F8: variants seen among roughly 807,000 people sequenced by gnomAD.
F8 encodes antihemophilic factor.
Under a neutral mutation model 140.6 loss-of-function variants are expected in F8, and 12 were observed. That is an observed-to-expected ratio of 0.09 (90% CI 0.05 to 0.14). The LOEUF (loss-of-function observed/expected upper bound fraction) is 0.14. F8 is among the 10% of genes least tolerant of loss of function. The pLI is 1.00. For synonymous variants in F8, 585 were observed against 614.6 expected, an observed-to-expected ratio of 0.95 and a Z score of 0.71; for missense variants, 1,354 against 1,720.7, an observed-to-expected ratio of 0.79 and a Z score of 3.77.
intron 22 of F8, among the ~76,000 whole-genome samples, chrX:154,873,148 T>C (rs2072787009): frequency 9.1e-6 from 1 of 110,415 alleles, no homozygotes; most frequent in Admixed American, 9.6e-5. Context: ...TATCAAAATC[T>C]CAATGGTGTT....
At chrX:154,892,817 C>T (rs1021053740) in intron 22 of F8, among the ~76,000 whole-genome samples, 38 of 111,662 alleles carry the variant, frequency 3.4e-4, no homozygotes, top group African/African-American at 1.1e-3. Context: ...ACCTGAAAAA[C>T]GTTCAGGCCA....
At chrX:154,976,150 C>T (rs1458990424) in intron 6 of F8, among the ~76,000 whole-genome samples, 1 of 112,315 alleles carries the variant, frequency 8.9e-6, no homozygotes, top group East Asian at 2.8e-4. Context: ...CCGCCTCAGC[C>T]TCCCAAAGTG....
At position 154,963,481 on chromosome X, in the gene F8, T is replaced by C. The variant is rs1048972744; in HGVS notation, c.1444-2313A>G. 2.7e-5 allele frequency among the ~76,000 whole-genome samples: 3 copies of C among 111,924 alleles called. No individual in the cohort carries two copies. The East Asian group carries it at 8.4e-4, about 31-fold the overall frequency. ...GGATATTTGGGTTGGTTCCAAGTCT[T>C]TGCTATTGTGAGTAGTGCCGCAATA... On this transcript the variant is annotated intron_variant, in intron 9 of 25. Transcript: ENST00000360256.
Position 154,955,497 on chromosome X carries a change from T to G in F8, c.1753-1455A>C, listed in dbSNP as rs189107222. On this transcript the variant is annotated intron_variant, in intron 11 of 25. Coordinates refer to ENST00000360256, the MANE Select transcript of F8 (RefSeq NM_000132.4). ...CTAAGTGAGATGCACTGTGCTATAT[T>G]GTGGGAACTAGCCCCCAATATTTCA... Among the ~76,000 whole-genome samples the G allele has an allele frequency of 5.5e-5, 6 of 109,270 alleles. No homozygotes were observed. In the East Asian group the frequency reaches 1.7e-3, roughly 31 times the overall value. 94.9% of individuals were successfully genotyped at this position (109,270 alleles called of 115,157 possible). A position where few individuals can be genotyped will look rare whatever the true frequency, so the allele number is the denominator to read the frequency against.
chrX:154,910,310 C>T (rs944222793), intron 14 of F8, among the ~76,000 whole-genome samples: 1 of 109,788 alleles, frequency 9.1e-6, no homozygotes, highest in African/African-American at 3.3e-5. Flanking sequence ...TCTCAGCAAA[C>T]TATCACAAGG....
chrX:154,935,455 G>A (rs1433106256), intron 13 of F8, among the ~76,000 whole-genome samples: 2 of 111,696 alleles, frequency 1.8e-5, no homozygotes, highest in African/African-American at 6.5e-5. Context: ...TCAACAAATG[G>A]TGCCGGGACA....
intron 25 of F8, among the ~76,000 whole-genome samples, chrX:154,859,313 T>G (rs1239981906): frequency 9.3e-6 from 1 of 107,523 alleles, no homozygotes; most frequent in Non-Finnish European, 1.9e-5. Flanking sequence ...TCTTTTTTTT[T>G]TTTTTTTGAG....
intron 7 of F8, among the ~76,000 whole-genome samples, chrX:154,968,022 A>G (rs2073434441): frequency 8.9e-6 from 1 of 112,105 alleles, no homozygotes. Flanking sequence ...AGTAATAGGA[A>G]GAAAGAAATG....
chrX:154,845,709 T>G lies in F8; in HGVS notation c.6901-7957A>C, dbSNP rs2072560337. ...TTCTTCTTTATTAGTCTTGCTAGTG[T>G]TCTATCAATTTTGTTGATCTTTTCA... On this transcript the variant is annotated intron_variant, in intron 25 of 25. Coordinates refer to ENST00000360256, the MANE Select transcript of F8 (RefSeq NM_000132.4). Among the ~76,000 whole-genome samples the G allele has an allele frequency of 3.6e-5, 4 of 111,628 alleles. No homozygotes were observed. The South Asian group carries it at 1.1e-3, about 31-fold the overall frequency.
At chrX:154,978,533 A>G (rs1486176195) in intron 6 of F8, among the ~76,000 whole-genome samples, 1 of 111,690 alleles carries the variant, frequency 9.0e-6, no homozygotes, top group African/African-American at 3.3e-5. Flanking sequence ...AACTATAGTC[A>G]CCATGTTGTG....
intron 7 of F8, 65 bp from the exon 8 acceptor site, chrX:154,966,752 A>C: frequency 6.2e-6 from 7 of 1,131,492 alleles, no homozygotes; most frequent in Non-Finnish European, 7.2e-6. Context: ...TATACCAGAG[A>C]CTAGGTAATT....
intron 5 of F8, among the ~76,000 whole-genome samples, chrX:154,986,903 C>A (rs2073561540): frequency 9.0e-6 from 1 of 110,886 alleles, no homozygotes; most frequent in African/African-American, 3.3e-5. Context: ...TTTAGGAAAC[C>A]GAGACACAGA....
chrX:154,937,338 A>G (rs1001344454), intron 13 of F8, among the ~76,000 whole-genome samples: 21 of 110,983 alleles, frequency 1.9e-4, no homozygotes, highest in African/African-American at 6.2e-4. Flanking sequence ...ATCCTATGGT[A>G]GGATTAGTAA....
At position 154,984,679 on chromosome X, in the gene F8, G is replaced by T. The variant is rs782387795; in HGVS notation, c.787+8C>A. On this transcript the variant is annotated splice_region_variant and intron_variant, in intron 6 of 25. Coordinates refer to ENST00000360256, the MANE Select transcript of F8 (RefSeq NM_000132.4). Reference sequence around the variant, plus strand: ...ACCCTGAGGATTGTTGAGCAGGTGTGTACATACCTGGCAGAGACCTGTTTA... The same window carrying T: ...ACCCTGAGGATTGTTGAGCAGGTGTTTACATACCTGGCAGAGACCTGTTTA... The T allele has an allele frequency of 1.1e-5, 13 of 1,180,414 alleles. No homozygotes were observed. Among genetic ancestry groups the T allele is most frequent in the Non-Finnish European group, 1.5e-5 (13 of 866,992 alleles).
intron 22 of F8, among the ~76,000 whole-genome samples, chrX:154,877,368 C>T (rs1478732640): frequency 8.9e-6 from 1 of 111,862 alleles, no homozygotes; most frequent in Non-Finnish European, 1.9e-5. Context: ...CAAAGGGAGA[C>T]GTGACTACTT....
At chrX:154,845,786 A>G (rs1384550914) in intron 25 of F8, among the ~76,000 whole-genome samples, 1 of 110,834 alleles carries the variant, frequency 9.0e-6, no homozygotes, top group Non-Finnish European at 1.9e-5. Context: ...TTGTGTCTCT[A>G]TCTCCTTCAG....
rs377718335 is a variant in F8, at chrX:154,904,087, T to G, written c.5817A>C (p.Ala1939=). Residue 1939 remains alanine (A), a splice_region_variant and synonymous_variant, in exon 18 of 26, where the codon GCA becomes GCC. Coordinates refer to ENST00000360256, the MANE Select transcript of F8 (RefSeq NM_000132.4). Reference sequence around the variant, plus strand: ...GTGTATCCATTATGTAGCCATTGATTGCTGGAGAAGGACACAGAGAAGCCT... The same window carrying G: ...GTGTATCCATTATGTAGCCATTGATGGCTGGAGAAGGACACAGAGAAGCCT... ...PTFKENYRFH[A]INGYIMDTLP... The G allele has an allele frequency of 8.3e-7, 1 of 1,209,370 alleles. No homozygotes were observed. Among genetic ancestry groups the G allele is most frequent in the African/African-American group, 1.8e-5 (1 of 57,119 alleles).
intron 14 of F8, among the ~76,000 whole-genome samples, chrX:154,922,425 T>C (rs1485877326): frequency 8.9e-6 from 1 of 112,502 alleles, no homozygotes; most frequent in Non-Finnish European, 1.9e-5. Context: ...CCAGGCACTG[T>C]TCAAAGTTCT....
intron 13 of F8, among the ~76,000 whole-genome samples, chrX:154,939,230 A>T (rs183781820): frequency 6.5e-4 from 73 of 112,373 alleles, no homozygotes; most frequent in African/African-American, 2.2e-3. Context: ...CGCCTCACCC[A>T]GGAAGCACAA....
Sources: allele counts gnomAD v4.1 joint callset (sites outside exome capture counted in the v4.1 genomes callset), GRCh38; gene constraint gnomAD v4.1.1; transcripts MANE v1.5; gene names NCBI Gene and HGNC (gene_info 2026-07-23, HGNC 2026-07-21).